SYCP1: variants seen among roughly 807,000 people sequenced by gnomAD.
The protein encoded by SYCP1 is synaptonemal complex protein 1.
Under a neutral mutation model 153.1 loss-of-function variants are expected in SYCP1, and 64 were observed. The ratio of observed to expected loss-of-function variants is 0.42; its 90% CI spans 0.34 to 0.51. The LOEUF (loss-of-function observed/expected upper bound fraction) is 0.51. SYCP1 is among the 20% of genes least tolerant of loss of function. The pLI is 0.06. For synonymous variants in SYCP1, 384 were observed against 341.8 expected (o/e 1.12, Z -1.36); for missense variants, 997 against 1,049.0 (o/e 0.95, Z 0.68).
chr1:114,958,929 C>A (rs74326239), intron 27 of SYCP1, among the ~76,000 whole-genome samples: 1,360 of 106,410 alleles, frequency 0.013, no homozygotes, highest in South Asian at 0.015. Context: ...GACTCCGTCT[C>A]AAAAAAAAAA....
chr1:114,944,696 T>C (rs1482843087), intron 24 of SYCP1, among the ~76,000 whole-genome samples, 176 bp from the exon 25 acceptor site: 1 of 151,882 alleles, frequency 6.6e-6, no homozygotes, highest in East Asian at 1.9e-4. Context: ...TGGTATAGTG[T>C]CATCTTACTT....
intron 27 of SYCP1, among the ~76,000 whole-genome samples, chr1:114,950,814 A>G (rs929598198): frequency 6.7e-6 from 1 of 149,334 alleles, no homozygotes; most frequent in Non-Finnish European, 1.5e-5. Flanking sequence ...ATTATGTTAA[A>G]TTACACTCTT....
At chr1:114,962,566 A>C (rs537804536) in intron 27 of SYCP1, among the ~76,000 whole-genome samples, 2 of 152,248 alleles carry the variant, frequency 1.3e-5, no homozygotes, top group South Asian at 4.1e-4. Context: ...GTGTTATGTT[A>C]GGTGAGTCCC....
Position 114,911,522 on chromosome 1 carries a change from C to G in SYCP1, c.1469C>G (p.Thr490Arg). The G allele has an allele frequency of 6.4e-7, 1 of 1,561,008 alleles. No homozygotes were observed. The highest frequency in any genetic ancestry group is 1.3e-5 in the South Asian group (1 of 79,462). Residue 490 changes from threonine to arginine, a missense_variant, in exon 18 of 32, where the codon ACA becomes AGA. Coordinates refer to ENST00000369522, the MANE Select transcript of SYCP1 (RefSeq NM_003176.4). Reference sequence around the variant, plus strand: ...GAAATACAGTTAACTGCCATTACCACAAGTGAACAGTATTATTCAAAAGAG... The same window carrying G: ...GAAATACAGTTAACTGCCATTACCAGAAGTGAACAGTATTATTCAAAAGAG... ...DLEIQLTAIT[T>R]SEQYYSKEVK... is the part of the protein sequence containing the mutation.
intron 8 of SYCP1, among the ~76,000 whole-genome samples, chr1:114,867,493 A>G (rs1029932955): frequency 6.6e-6 from 1 of 152,048 alleles, no homozygotes; most frequent in Non-Finnish European, 1.5e-5. Flanking sequence ...GTACCTAAGT[A>G]TTTCATTTTT....
In SYCP1 at chr1:114,886,283, A is replaced by G. The variant is rs760219119; in HGVS notation, c.1164A>G (p.Glu388=). 2 of 1,593,856 alleles carry G rather than the reference A, an allele frequency of 1.3e-6. No homozygotes were observed. Among genetic ancestry groups the G allele is most frequent in the Non-Finnish European group, 1.7e-6 (2 of 1,172,398 alleles). Residue 388 remains glutamate, a synonymous_variant, in exon 14 of 32, where the codon GAA becomes GAG. Coordinates refer to ENST00000369522, the MANE Select transcript of SYCP1 (RefSeq NM_003176.4). ...TTGAAACTACTGTCTGCAGCTTGGA[A>G]GAATTATTGAGAACAGAACAGCAAA... is the stretch of plus-strand genomic sequence containing the variant. The part of the protein sequence containing the change: ...TEFETTVCSL[E]ELLRTEQQRL...
At chr1:114,919,632 G>A (rs1668731664) in intron 20 of SYCP1, among the ~76,000 whole-genome samples, 1 of 151,916 alleles carries the variant, frequency 6.6e-6, no homozygotes, top group South Asian at 2.1e-4. Flanking sequence ...CAGGTCCTGG[G>A]TTTTTCTTTG....
intron 27 of SYCP1, among the ~76,000 whole-genome samples, chr1:114,964,524 C>T (rs542674843): frequency 6.6e-6 from 1 of 151,908 alleles, no homozygotes; most frequent in African/African-American, 2.4e-5. Flanking sequence ...AAGTTTAAGT[C>T]TTTAATCCAT....
intron 15 of SYCP1, among the ~76,000 whole-genome samples, chr1:114,894,558 G>C (rs925902077): frequency 6.6e-6 from 1 of 152,096 alleles, no homozygotes; most frequent in Non-Finnish European, 1.5e-5. Context: ...TGAACTCATG[G>C]AACTGTAGAA....
At position 114,984,816 on chromosome 1, in the gene SYCP1, T is replaced by A; in HGVS notation, c.2651T>A (p.Met884Lys). The A allele has an allele frequency of 6.7e-7, 1 of 1,498,856 alleles. No homozygotes were observed. Among genetic ancestry groups the A allele is most frequent in the Non-Finnish European group, 8.9e-7 (1 of 1,120,944 alleles). The allele number at this position is 1,498,856 out of a possible 1,614,324, so 92.8% of individuals were successfully genotyped here. A position where few individuals can be genotyped will look rare whatever the true frequency, so the allele number is the denominator to read the frequency against. The change falls in exon 30 of 32, where the codon ATG becomes AAG. Residue 884 changes from methionine (M) to lysine (K), a missense_variant. Met to Lys is a moderately conservative substitution (Grantham distance 95). Around this residue, in one of 2 missense-constraint regions of SYCP1, gnomAD observed 712 missense variants for 682.9 expected, o/e 1.04. Coordinates refer to ENST00000369522, the MANE Select transcript of SYCP1 (RefSeq NM_003176.4). ...PIEESKKKRK[M>K]AFEFDINSDS... ...GAAGAAAGTAAAAAAAAGAGAAAAA[T>A]GGCCTTTGAATTTGATATTAATTCA... is the stretch of plus-strand genomic sequence containing the variant.
chr1:114,870,887 T>A (rs1348847473), intron 8 of SYCP1, among the ~76,000 whole-genome samples: 1 of 152,228 alleles, frequency 6.6e-6, no homozygotes, highest in African/African-American at 2.4e-5. Flanking sequence ...GATTATTATC[T>A]ACCACATTTA....
At chr1:114,864,473 T>C (rs1664593869) in intron 8 of SYCP1, among the ~76,000 whole-genome samples, 1 of 151,888 alleles carries the variant, frequency 6.6e-6, no homozygotes, top group South Asian at 2.1e-4. Flanking sequence ...TCAGGATACT[T>C]TTTTCTTTCT....
chr1:114,871,237 G>A (rs1178945161), intron 8 of SYCP1, among the ~76,000 whole-genome samples: 1 of 149,988 alleles, frequency 6.7e-6, no homozygotes, highest in East Asian at 2.0e-4. Context: ...GTGCCATCTC[G>A]GTTCACCACA....
chr1:114,977,239 G>A (rs767956524), intron 27 of SYCP1, among the ~76,000 whole-genome samples: 9 of 151,572 alleles, frequency 5.9e-5, no homozygotes, highest in African/African-American at 1.9e-4. Flanking sequence ...TTACTTGTGC[G>A]TATCTCTCAT....
In SYCP1 at chr1:114,984,786, C is replaced by G; in HGVS notation, c.2621C>G (p.Pro874Arg). 4.0e-6 allele frequency: 6 copies of G among 1,512,892 alleles called. No individual in the cohort carries two copies. The highest frequency in any genetic ancestry group is 5.3e-6 in the Non-Finnish European group (6 of 1,130,954). 93.7% of individuals were successfully genotyped at this position (1,512,892 alleles called of 1,614,324 possible). A position where few individuals can be genotyped will look rare whatever the true frequency, so the allele number is the denominator to read the frequency against. Residue 874 changes from proline (P) to arginine (R), a missense_variant, in exon 30 of 32, where the codon CCC becomes CGC. Transcript: ENST00000369522. Reference protein sequence around the residue: ...KLQQRENLNIPIEESKKKRKM... With the variant: ...KLQQRENLNIRIEESKKKRKM... ...CAGCAAAGAGAAAACTTGAATATACCCATTGAAGAAAGTAAAAAAAAGAGA... is the reference window on the plus strand; with the variant it reads ...CAGCAAAGAGAAAACTTGAATATACGCATTGAAGAAAGTAAAAAAAAGAGA...
chr1:114,970,108 T>C (rs767196037), intron 27 of SYCP1, among the ~76,000 whole-genome samples: 6 of 152,194 alleles, frequency 3.9e-5, no homozygotes, highest in Non-Finnish European at 5.9e-5. Flanking sequence ...GCCAGCCCCC[T>C]GTCCCCATAT....
chr1:114,875,112 T>C (rs1665415969), intron 9 of SYCP1, among the ~76,000 whole-genome samples: 1 of 152,096 alleles, frequency 6.6e-6, no homozygotes, highest in South Asian at 2.1e-4. Context: ...GATTATTCCA[T>C]ATATATCCAT....
At chr1:114,886,518 T>C (rs142135639) in intron 14 of SYCP1, among the ~76,000 whole-genome samples, 2 of 152,250 alleles carry the variant, frequency 1.3e-5, no homozygotes, top group Non-Finnish European at 2.9e-5. Flanking sequence ...GAAGATGTTC[T>C]CTAGGATAGT....
At chr1:114,890,892 A>G (rs2101574925) in intron 15 of SYCP1, among the ~76,000 whole-genome samples, 1 of 152,196 alleles carries the variant, frequency 6.6e-6, no homozygotes, top group East Asian at 1.9e-4. Flanking sequence ...AGAACAGTTC[A>G]ATTCCTCATT....
Sources: allele counts gnomAD v4.1 joint callset (sites outside exome capture counted in the v4.1 genomes callset), GRCh38; gene constraint gnomAD v4.1.1; regional missense constraint gnomAD v4.1.1; transcripts MANE v1.5; gene names NCBI Gene and HGNC (gene_info 2026-07-23, HGNC 2026-07-21).